Variants in TMEM164 observed in about 807,000 individuals in gnomAD.
The protein encoded by TMEM164 is RP13-360B22.2.
Under a neutral mutation model 18.8 loss-of-function variants are expected in TMEM164, and 4 were observed. The ratio of observed to expected loss-of-function variants is 0.21; its 90% CI spans 0.10 to 0.49. TMEM164 has a LOEUF of 0.49. Among genes scored for constraint, TMEM164 ranks in the 20% least tolerant of loss-of-function variants. TMEM164 has a pLI of 0.98. For synonymous variants in TMEM164, 86 were observed against 101.7 expected, an observed-to-expected ratio of 0.85 and a Z score of 0.93; for missense variants, 108 against 239.9, an observed-to-expected ratio of 0.45 and a Z score of 3.63.
chrX:110,007,635 C>T (rs1932791822), intron 2 of TMEM164, among the ~76,000 whole-genome samples: 1 of 112,024 alleles, frequency 8.9e-6, no homozygotes, highest in Non-Finnish European at 1.9e-5. Context: ...TCTGGCTTAG[C>T]AGGAAGAGAT....
chrX:110,126,923 T>A (rs2066540915), intron 4 of TMEM164, among the ~76,000 whole-genome samples: 1 of 106,154 alleles, frequency 9.4e-6, no homozygotes, highest in Non-Finnish European at 1.9e-5. Flanking sequence ...TATGACTGAT[T>A]GAAGAGAAGG....
chrX:110,067,248 T>TA, intron 2 of TMEM164, 99 bp from the exon 3 acceptor site: 1 of 858,898 alleles, frequency 1.2e-6, no homozygotes, highest in African/African-American at 2.0e-5. Context: ...ATTATTGTGT[T>TA]AGAGTTTTGG....
At chrX:110,096,640 T>A (rs1361303084) in intron 3 of TMEM164, among the ~76,000 whole-genome samples, 1 of 112,044 alleles carries the variant, frequency 8.9e-6, no homozygotes, top group Non-Finnish European at 1.9e-5. Context: ...TCTTCCCGGG[T>A]GAGGTGATGC....
rs187356753 is a variant in TMEM164 at position 110,099,020 on chromosome X, G to A, written c.441-10060G>A. 3.6e-3 allele frequency among the ~76,000 whole-genome samples: 366 copies of A among 100,905 alleles called. 2 individuals carry two copies. The South Asian group carries it at 0.039, about 11-fold the overall frequency. 87.6% of individuals were successfully genotyped at this position (100,905 alleles called of 115,157 possible). A position where few individuals can be genotyped will look rare whatever the true frequency, so the allele number is the denominator to read the frequency against. On this transcript the variant is annotated intron_variant, in intron 3 of 6. Transcript: ENST00000372068. ...TCATCATGTTAGCCAGGATGGTCTC[G>A]ATCTCCTGACCTTGTGATCTGCCCA...
At chrX:110,118,146 C>G in intron 4 of TMEM164, among the ~76,000 whole-genome samples, 1 of 112,318 alleles carries the variant, frequency 8.9e-6, no homozygotes, top group Non-Finnish European at 1.9e-5. Flanking sequence ...TTCCTGACCT[C>G]AAATGATCCA....
intron 2 of TMEM164, among the ~76,000 whole-genome samples, chrX:110,044,850 G>A (rs997717001): frequency 9.1e-6 from 1 of 109,653 alleles, no homozygotes; most frequent in African/African-American, 3.3e-5. Context: ...ATCAGGTGTG[G>A]CATTTATTAT....
At chrX:110,089,547 G>C (rs1376123491) in intron 3 of TMEM164, among the ~76,000 whole-genome samples, 1 of 112,170 alleles carries the variant, frequency 8.9e-6, no homozygotes, top group Non-Finnish European at 1.9e-5. Flanking sequence ...AAAATATAAC[G>C]GGATTGTTTA....
intron 3 of TMEM164, among the ~76,000 whole-genome samples, chrX:110,100,314 G>A: frequency 9.1e-6 from 1 of 110,071 alleles, no homozygotes; most frequent in Non-Finnish European, 1.9e-5. Flanking sequence ...AGTAATTTTA[G>A]GTGCCCTTTA....
chrX:110,052,917 AT>A (rs761357655), intron 2 of TMEM164, among the ~76,000 whole-genome samples: 17 of 108,895 alleles, frequency 1.6e-4, no homozygotes, highest in Non-Finnish European at 1.9e-4. Flanking sequence ...TGCCCAGCTA[AT>A]TTTTTTGTAT....
chrX:110,045,840 G>C, intron 2 of TMEM164, among the ~76,000 whole-genome samples: 1 of 111,816 alleles, frequency 8.9e-6, no homozygotes, highest in South Asian at 3.8e-4. Context: ...GAGGAACAGA[G>C]ATGCCTTGAG....
At chrX:110,142,768 G>A (rs143302756) in intron 4 of TMEM164, among the ~76,000 whole-genome samples, 3 of 113,425 alleles carry the variant, frequency 2.6e-5, no homozygotes, top group Non-Finnish European at 5.6e-5. Flanking sequence ...CAGAGCTACC[G>A]AGCAGCAGAG....
chrX:110,033,273 C>T (rs1188517168), intron 2 of TMEM164, among the ~76,000 whole-genome samples: 1 of 111,771 alleles, frequency 8.9e-6, no homozygotes, highest in East Asian at 2.8e-4. Flanking sequence ...TGCTGGAATG[C>T]AAAAAATGTC....
chrX:110,154,773 G>A (rs1279736188), intron 5 of TMEM164, among the ~76,000 whole-genome samples: 1 of 111,894 alleles, frequency 8.9e-6, no homozygotes, highest in East Asian at 2.8e-4. Flanking sequence ...ATGCCTCTAT[G>A]CTGCCTGTCC....
At chrX:110,021,494 A>G (rs1182471876) in intron 2 of TMEM164, among the ~76,000 whole-genome samples, 3 of 111,210 alleles carry the variant, frequency 2.7e-5, no homozygotes, top group Admixed American at 9.5e-5. Context: ...GAAGGAATTA[A>G]AAAAGCAAAT....
chrX:110,070,362 G>A (rs779070620), intron 3 of TMEM164, among the ~76,000 whole-genome samples: 1 of 111,442 alleles, frequency 9.0e-6, no homozygotes, highest in Non-Finnish European at 1.9e-5. Flanking sequence ...TCACTTGTTC[G>A]TACACACAAA....
chrX:110,128,186 C>G (rs1234240334), intron 4 of TMEM164, among the ~76,000 whole-genome samples: 2 of 112,030 alleles, frequency 1.8e-5, no homozygotes, highest in Non-Finnish European at 3.8e-5. Context: ...TGCATAGGGT[C>G]GTTCCCCCAG....
chrX:110,044,593 CTTTTTTTTTTTT>C (rs56400284), intron 2 of TMEM164, among the ~76,000 whole-genome samples: 4 of 35,958 alleles, frequency 1.1e-4, no homozygotes, highest in East Asian at 1.4e-3. Flanking sequence ...CCATTCCTTG[CTTTTTTTTTTTT>C]TTTTTTTTTT....
At chrX:110,123,880 T>C (rs2066486150) in intron 4 of TMEM164, among the ~76,000 whole-genome samples, 2 of 111,450 alleles carry the variant, frequency 1.8e-5, no homozygotes, top group South Asian at 7.4e-4. Context: ...AGAAGGCCGA[T>C]GTGGGAGGGT....
chrX:110,002,789 G>A (rs1181079634), upstream of TMEM164: 32 of 110,508 alleles, frequency 2.9e-4, no homozygotes, highest in African/African-American at 1.0e-3. Context: ...GAAGCCCCGA[G>A]GGGCGCGGCG....
Sources: gnomAD v4.1 joint callset for allele counts (sites outside exome capture counted in the v4.1 genomes callset) on GRCh38, gnomAD v4.1.1 for gene constraint, MANE v1.5 for transcripts, NCBI Gene and HGNC (gene_info 2026-07-23, HGNC 2026-07-21) for gene names.